Variants in SZT2 observed in about 807,000 individuals in gnomAD.
SZT2 encodes the protein KICSTOR complex protein SZT2.
Under a neutral mutation model 404.2 loss-of-function variants are expected in SZT2, and 216 were observed. The ratio of observed to expected loss-of-function variants is 0.53; its 90% CI spans 0.48 to 0.60. SZT2 has a LOEUF of 0.60. Ranked by LOEUF, SZT2 falls within the 20% of genes least tolerant of loss-of-function variation. The probability of loss-of-function intolerance (pLI) is 0.00; values close to 1 mark genes in which losing one functional copy is unlikely to be tolerated. For synonymous variants in SZT2, 1,693 were observed against 1,749.9 expected (o/e 0.97, Z 0.81); for missense variants, 3,857 against 4,459.2 (o/e 0.86, Z 3.85).
intron 62 of SZT2, among the ~76,000 whole-genome samples, chr1:43,444,065 A>G (rs1016383649): frequency 3.9e-5 from 6 of 152,152 alleles, no homozygotes; most frequent in Admixed American, 3.3e-4. Context: ...GCCCACACAC[A>G]TCTTGTACAC....
chr1:43,433,152 G>A lies in SZT2; in HGVS notation c.5766G>A (p.Arg1922=), dbSNP rs760518748. 1.9e-4 allele frequency: 309 copies of A among 1,613,928 alleles called. No individual in the cohort carries two copies. Among genetic ancestry groups the A allele is most frequent in the Non-Finnish European group, 2.5e-4 (299 of 1,180,034 alleles). ...PCLPDFWLIV[R]VLQDRVEVYA... ...TGCCTGACTTCTGGCTCATTGTCCG[G>A]GTCCTGCAGGACCGTGTGGAAGTGT... The change falls in exon 40 of 72, where the codon CGG becomes CGA. Residue 1922 remains arginine, a synonymous_variant. Coordinates refer to ENST00000634258, the MANE Select transcript of SZT2 (RefSeq NM_001365999.1).
intron 29 of SZT2, 74 bp downstream of exon 29, chr1:43,429,918 C>T (rs906239117): frequency 3.7e-5 from 60 of 1,610,746 alleles, no homozygotes; most frequent in African/African-American, 1.7e-4. Context: ...CTCTCCTGGG[C>T]GGGGGGTATG....
At position 43,438,694 on chromosome 1, in the gene SZT2, T is replaced by C. The variant is rs777943205; in HGVS notation, c.6509-5T>C. The stretch of plus-strand genomic sequence containing the variant: ...TCCCCACCTTCCCACCATGGCTGTG[T>C]CAAGGTCCTGAGATCACGGATGAGC... On this transcript the variant is annotated splice_region_variant and splice_polypyrimidine_tract_variant and intron_variant, in intron 46 of 71. Coordinates refer to ENST00000634258, the MANE Select transcript of SZT2 (RefSeq NM_001365999.1). 2 of 1,613,524 alleles carry C rather than the reference T, an allele frequency of 1.2e-6. No individual in the cohort carries two copies. Among genetic ancestry groups the C allele is most frequent in the Admixed American group, 3.3e-5 (2 of 59,986 alleles).
chr1:43,442,605 T>G lies in SZT2; in HGVS notation c.8138T>G (p.Val2713Gly). Residue 2713 changes from valine to glycine, a missense_variant, in exon 58 of 72, where the codon GTG becomes GGG. Val to Gly is a moderately radical substitution (Grantham distance 109, BLOSUM62 -3). Coordinates refer to ENST00000634258, the MANE Select transcript of SZT2 (RefSeq NM_001365999.1). The surrounding 1 kb of genome is among the most constrained non-coding windows in gnomAD (Gnocchi z 4.5). ...CATTATGGCCAGTTGGACTTCCCCG[T>G]GCGAGATGAAAAGGTGCCTGCTGCT... ...FHHYGQLDFP[V>G]RDEKEPNPFL... The G allele has an allele frequency of 1.2e-6, 2 of 1,604,018 alleles. No individual in the cohort carries two copies. The highest frequency in any genetic ancestry group is 8.5e-7 in the Non-Finnish European group (1 of 1,173,362).
chr1:43,419,199 A>G (rs1057429276), intron 7 of SZT2, among the ~76,000 whole-genome samples: 1 of 152,180 alleles, frequency 6.6e-6, no homozygotes, highest in African/African-American at 2.4e-5. Flanking sequence ...GTTCCAATAA[A>G]ACTCGATTCA....
intron 1 of SZT2, chr1:43,393,949 CT>C (rs1648698285): frequency 3.4e-6 from 1 of 290,074 alleles, no homozygotes; most frequent in Non-Finnish European, 5.1e-6. Flanking sequence ...AATTAAGTAA[CT>C]TGTCCAAGGT....
At chr1:43,432,699 G>C (rs760195218) in intron 38 of SZT2, 29 bp from the exon 39 acceptor site, 2 of 1,613,786 alleles carry the variant, frequency 1.2e-6, no homozygotes, top group Admixed American at 1.7e-5. Context: ...GATTGAGAGA[G>C]GCTCCAGGCA....
intron 6 of SZT2, 73 bp downstream of exon 6, chr1:43,416,174 A>G (rs1651699639): frequency 1.3e-6 from 2 of 1,530,712 alleles, no homozygotes; most frequent in South Asian, 2.4e-5. Flanking sequence ...GCTAACAAAG[A>G]TAGCAGTTCC....
Position 43,432,751 on chromosome 1 carries a change from G to A in SZT2, c.5554G>A (p.Gly1852Arg). 6.2e-7 allele frequency: 1 copy of A among 1,613,892 alleles called. No individual in the cohort carries two copies. Residue 1852 changes from glycine (G) to arginine (R), a missense_variant, in exon 39 of 72, where the codon GGA becomes AGA. Transcript: ENST00000634258. ...QGGSQPGPSR[G>R]LSLMSSQGSV... is the part of the protein sequence containing the mutation. ...AGGGAGTCAGCCTGGGCCCAGCCGG[G>A]GATTAAGTCTCATGTCCAGTCAGGG...
Position 43,425,480 on chromosome 1 carries a change from G to A in SZT2, c.2652G>A (p.Ser884=), listed in dbSNP as rs138653257. 166 of 1,614,068 alleles carry A rather than the reference G, an allele frequency of 1.0e-4. No homozygotes were observed. The highest frequency in any genetic ancestry group is 3.3e-4 in the Middle Eastern group (2 of 6,062). The change falls in exon 19 of 72, where the codon TCG becomes TCA. Residue 884 remains serine, a synonymous_variant. Transcript: ENST00000634258. The surrounding 1 kb of genome is among the most constrained non-coding windows in gnomAD (Gnocchi z 4.3). ...PHSTSTKDSF[S]TDDDNDVEVE... ...AGAGCCCTTCCTCCTTTAGCTTCTC[G>A]ACAGATGATGACAATGATGTGGAAG...
rs12131502 is a variant in SZT2 at position 43,416,328 on chromosome 1, G to A, written c.773-207G>A. On this transcript the variant is annotated intron_variant, in intron 6 of 71. Transcript: ENST00000634258. ...AGAGCTCCAAGGATATCACTTAGGGGAGGTTATGATCTGGCATTCAAGAGG... is the reference window on the plus strand; with the variant it reads ...AGAGCTCCAAGGATATCACTTAGGGAAGGTTATGATCTGGCATTCAAGAGG... 0.047 allele frequency among the ~76,000 whole-genome samples: 7,135 copies of A among 152,262 alleles called. 246 individuals are homozygous for A. The highest frequency in any genetic ancestry group is 0.092 in the African/African-American group (3,822 of 41,522).
Position 43,417,484 on chromosome 1 carries a change from G to A in SZT2, c.879+843G>A, listed in dbSNP as rs546442778. Among the ~76,000 whole-genome samples the A allele has an allele frequency of 5.9e-5, 9 of 152,294 alleles. No homozygotes were observed. In the South Asian group the frequency reaches 8.3e-4, roughly 14 times the overall value. On this transcript the variant is annotated intron_variant, in intron 7 of 71. Coordinates refer to ENST00000634258, the MANE Select transcript of SZT2 (RefSeq NM_001365999.1). Reference sequence around the variant, plus strand: ...ATGCAAGTTTGTGTATGTTGTGTTCGAGGTGCCTGTGGTTCAACACAGACA... The same window carrying A: ...ATGCAAGTTTGTGTATGTTGTGTTCAAGGTGCCTGTGGTTCAACACAGACA...
Position 43,427,611 on chromosome 1 carries a change from CAG to C in SZT2, c.3685_3686del (p.Ser1229CysfsTer62). On this transcript the variant is annotated frameshift_variant, in exon 26 of 72. Transcript: ENST00000634258. LOFTEE classifies it high-confidence loss of function. Reference sequence around the variant, plus strand: ...TACGCTGGGCGTCAGGCTTCCCAGACAGAGAGTGCGGATGGGCCCCGGACCCG... The same window carrying C: ...TACGCTGGGCGTCAGGCTTCCCAGACAGAGTGCGGATGGGCCCCGGACCCG... The C allele has an allele frequency of 1.9e-6, 3 of 1,614,254 alleles. No homozygotes were observed. Among genetic ancestry groups the C allele is most frequent in the Non-Finnish European group, 2.5e-6 (3 of 1,180,040 alleles).
chr1:43,437,452 C>T lies in SZT2; in HGVS notation c.6234C>T (p.Asn2078=). ...TGCTCAATGCCTTCTCTGTGGTGAA[C>T]CGGAAAAACATGTTTGTTTACCAGG... ...RSVLNAFSVV[N]RKNMFVYQER... The change falls in exon 44 of 72, where the codon AAC becomes AAT. Residue 2078 remains asparagine (N), a synonymous_variant. Transcript: ENST00000634258. This position sits in a 1 kb window ranked among gnomAD's most constrained non-coding sequence, Gnocchi z 5.3. 1 of 1,614,130 alleles carries T rather than the reference C, an allele frequency of 6.2e-7. No homozygotes were observed. Among genetic ancestry groups the T allele is most frequent in the South Asian group, 1.1e-5 (1 of 91,074 alleles).
intron 1 of SZT2, among the ~76,000 whole-genome samples, chr1:43,392,437 C>T (rs1205240810): frequency 7.2e-5 from 10 of 138,990 alleles, no homozygotes; most frequent in Admixed American, 3.7e-4. Flanking sequence ...TTTTTTGAGA[C>T]GAAGTCTCGC....
Position 43,425,825 on chromosome 1 carries a change from C to T in SZT2, c.2815-10C>T. The stretch of plus-strand genomic sequence containing the variant: ...GGGTTGACTCCTGACCTCTGATGTT[C>T]TTCCTGTAGCTCCACCCACGGGATG... On this transcript the variant is annotated splice_polypyrimidine_tract_variant and intron_variant, in intron 19 of 71. Transcript: ENST00000634258. This position sits in a 1 kb window ranked among gnomAD's most constrained non-coding sequence, Gnocchi z 4.3. The T allele has an allele frequency of 6.2e-7, 1 of 1,613,066 alleles. No individual in the cohort carries two copies. Among genetic ancestry groups the T allele is most frequent in the Non-Finnish European group, 8.5e-7 (1 of 1,179,208 alleles).
At chr1:43,414,658 C>G (rs574152571) in intron 4 of SZT2, among the ~76,000 whole-genome samples, 9 of 152,250 alleles carry the variant, frequency 5.9e-5, no homozygotes, top group African/African-American at 2.2e-4. Context: ...ATGGTGACAG[C>G]TGATCTTGGG....
In SZT2 at chr1:43,442,431, C is replaced by G. The variant is rs1655165471; in HGVS notation, c.7975-11C>G. On this transcript the variant is annotated splice_polypyrimidine_tract_variant and intron_variant, in intron 57 of 71. Transcript: ENST00000634258. The surrounding 1 kb of genome is among the most constrained non-coding windows in gnomAD (Gnocchi z 4.5). ...TCCGTGATCTCACTGACCCTGACCC[C>G]CGACCTCCAGCTACAGCTGCTGACC... 1 of 1,612,084 alleles carries G rather than the reference C, an allele frequency of 6.2e-7. No individual in the cohort carries two copies. Among genetic ancestry groups the G allele is most frequent in the Non-Finnish European group, 8.5e-7 (1 of 1,178,708 alleles).
Position 43,404,179 on chromosome 1 carries a change from C to A in SZT2, c.328-201C>A, listed in dbSNP as rs555935647. 8 of 573,328 alleles carry A rather than the reference C, an allele frequency of 1.4e-5. No homozygotes were observed. The South Asian group carries it at 1.9e-4, about 14-fold the overall frequency. The allele number at this position is 573,328 out of a possible 1,614,324, so 35.5% of individuals were successfully genotyped here. A position where few individuals can be genotyped will look rare whatever the true frequency, so the allele number is the denominator to read the frequency against. On this transcript the variant is annotated intron_variant, in intron 3 of 71. Coordinates refer to ENST00000634258, the MANE Select transcript of SZT2 (RefSeq NM_001365999.1). ...CCGGGATCAGGCCACTGCGCTCTAGCGTGGGCAACAAAGCAAGACCCTGGT... is the reference window on the plus strand; with the variant it reads ...CCGGGATCAGGCCACTGCGCTCTAGAGTGGGCAACAAAGCAAGACCCTGGT...
Sources: allele counts gnomAD v4.1 joint callset (sites outside exome capture counted in the v4.1 genomes callset), GRCh38; gene constraint gnomAD v4.1.1; non-coding constraint Gnocchi (gnomAD v3.1); transcripts MANE v1.5; gene names NCBI Gene and HGNC (gene_info 2026-07-23, HGNC 2026-07-21).